Variants in NCOA1 observed in about 807,000 individuals in gnomAD.
The protein encoded by NCOA1 is nuclear receptor coactivator 1.
A neutral mutation model predicts 150.9 loss-of-function variants in NCOA1; 35 were observed. The observed-to-expected ratio is 0.23, with a 90% CI of 0.18 to 0.31. The LOEUF is 0.31. Ranked by LOEUF, NCOA1 falls within the 10% of genes least tolerant of loss-of-function variation. The probability of loss-of-function intolerance (pLI) is 1.00; values close to 1 mark genes in which losing one functional copy is unlikely to be tolerated. For synonymous variants in NCOA1, 590 were observed against 630.0 expected (o/e 0.94, Z 0.95); for missense variants, 1,491 against 1,749.3 (o/e 0.85, Z 2.63).
chr2:24,601,612 C>CTTTTTTTTTTTTTTTTTT (rs112063269), intron 3 of NCOA1, among the ~76,000 whole-genome samples: 1 of 131,986 alleles, frequency 7.6e-6, no homozygotes. Flanking sequence ...CTCCTTCCTC[C>CTTTTTTTTTTTTTTTTTT]TTTTTTTTTT....
At chr2:24,500,200 C>G (rs1663400914) in intron 1 of NCOA1, among the ~76,000 whole-genome samples, 1 of 152,118 alleles carries the variant, frequency 6.6e-6, no homozygotes, top group African/African-American at 2.4e-5. Flanking sequence ...CCTCCACCTC[C>G]CAGGTTCAAG....
intron 3 of NCOA1, among the ~76,000 whole-genome samples, chr2:24,604,552 C>G (rs895781523): frequency 6.6e-6 from 1 of 152,220 alleles, no homozygotes; most frequent in Non-Finnish European, 1.5e-5. Flanking sequence ...ATGGAGACAG[C>G]TTCTTTAACC....
intron 3 of NCOA1, among the ~76,000 whole-genome samples, chr2:24,589,892 T>A (rs1226828459): frequency 1.3e-5 from 2 of 152,142 alleles, no homozygotes; most frequent in Non-Finnish European, 1.5e-5. Context: ...AATCCCACAA[T>A]CCTTCATCCA....
intron 3 of NCOA1, among the ~76,000 whole-genome samples, chr2:24,598,338 A>C (rs55820687): frequency 0.028 from 4,238 of 152,324 alleles, 63 homozygotes; most frequent in African/African-American, 0.042. Flanking sequence ...GTCACAAGTT[A>C]TAAAAGAAAC....
intron 22 of NCOA1, among the ~76,000 whole-genome samples, chr2:24,765,128 G>T (rs1266752204): frequency 6.7e-6 from 1 of 149,176 alleles, no homozygotes; most frequent in Non-Finnish European, 1.5e-5. Flanking sequence ...AGCGAGCCGA[G>T]ATCACACCAC....
rs879075492 is a variant in NCOA1 at position 24,751,870 on chromosome 2, A to G, written c.3707-112A>G. On this transcript the variant is annotated intron_variant, in intron 19 of 22. Coordinates refer to ENST00000348332, the MANE Select transcript of NCOA1 (RefSeq NM_003743.5). Reference sequence around the variant, plus strand: ...ATATTGCCTGACACAAGACAAGGCAAATAAGAAAGTTATTTGTAAATATAT... The same window carrying G: ...ATATTGCCTGACACAAGACAAGGCAGATAAGAAAGTTATTTGTAAATATAT... 65 of 1,061,348 alleles carry G rather than the reference A, an allele frequency of 6.1e-5. No individual in the cohort carries two copies. In the South Asian group the frequency reaches 1.2e-3, roughly 19 times the overall value. 65.7% of individuals were successfully genotyped at this position (1,061,348 alleles called of 1,614,324 possible).
At chr2:24,529,256 C>T (rs1020482192) in intron 1 of NCOA1, among the ~76,000 whole-genome samples, 2 of 152,186 alleles carry the variant, frequency 1.3e-5, no homozygotes, top group Non-Finnish European at 1.5e-5. Context: ...TGGGACTGAG[C>T]ACTGAGGCAG....
chr2:24,719,569 TCA>T (rs1312256952), intron 14 of NCOA1, among the ~76,000 whole-genome samples: 4 of 152,206 alleles, frequency 2.6e-5, no homozygotes, highest in Non-Finnish European at 2.9e-5. Context: ...ATAAAAGACC[TCA>T]GATTTTATCT....
chr2:24,754,737 T>C (rs774917248), intron 20 of NCOA1, among the ~76,000 whole-genome samples: 3 of 152,226 alleles, frequency 2.0e-5, no homozygotes, highest in Non-Finnish European at 2.9e-5. Flanking sequence ...CCATCTAGAA[T>C]ATGAGCATCA....
At chr2:24,752,350 C>T (rs1664295066) in intron 20 of NCOA1, among the ~76,000 whole-genome samples, 194 bp downstream of exon 20, 1 of 152,162 alleles carries the variant, frequency 6.6e-6, no homozygotes, top group Admixed American at 6.5e-5. Flanking sequence ...GAAAGCAGCA[C>T]ATAAGAACAG....
intron 16 of NCOA1, 144 bp downstream of exon 16, chr2:24,728,620 G>T: frequency 7.4e-6 from 4 of 539,356 alleles, no homozygotes; most frequent in South Asian, 4.1e-5. Flanking sequence ...AAATATATGA[G>T]TTTTTTTTTT....
intron 1 of NCOA1, among the ~76,000 whole-genome samples, chr2:24,541,899 G>A (rs1665414419): frequency 6.6e-6 from 1 of 152,170 alleles, no homozygotes; most frequent in Non-Finnish European, 1.5e-5. Flanking sequence ...TAAATTCATA[G>A]ACTCAGTGCA....
intron 1 of NCOA1, among the ~76,000 whole-genome samples, chr2:24,550,305 A>G (rs528903917): frequency 2.0e-5 from 3 of 152,266 alleles, no homozygotes; most frequent in East Asian, 3.9e-4. Context: ...ATATTAGTCT[A>G]TTTTCATGCT....
intron 1 of NCOA1, among the ~76,000 whole-genome samples, chr2:24,543,023 A>G (rs1485104596): frequency 6.6e-6 from 1 of 152,236 alleles, no homozygotes; most frequent in Non-Finnish European, 1.5e-5. Flanking sequence ...AATGACAAAC[A>G]GGGTTGTCTT....
At position 24,514,710 on chromosome 2, in the gene NCOA1, C is replaced by T. The variant is rs1478705394; in HGVS notation, c.-396+23108C>T. ...GGAGGATCGCTTAAGCTTGGGAGGT[C>T]GAGACTGCAGTGAGTGGTGATTGTG... On this transcript the variant is annotated intron_variant, in intron 1 of 22. Transcript: ENST00000348332. Among the ~76,000 whole-genome samples the T allele has an allele frequency of 2.0e-5, 3 of 151,284 alleles. No homozygotes were observed. The East Asian group carries it at 5.8e-4, about 29-fold the overall frequency.
At chr2:24,666,019 TA>T (rs201824267) in intron 6 of NCOA1, 104 bp downstream of exon 6, 126,954 of 722,634 alleles carry the variant, frequency 0.18, 10,996 homozygotes, top group Non-Finnish European at 0.19. Flanking sequence ...TTATTATTAT[TA>T]TTATTTTTTG....
intron 1 of NCOA1, among the ~76,000 whole-genome samples, chr2:24,562,920 G>C (rs1666345416): frequency 6.6e-6 from 1 of 152,160 alleles, no homozygotes; most frequent in African/African-American, 2.4e-5. Flanking sequence ...TTGAAGAAGA[G>C]GGTTATACAG....
chr2:24,496,875 A>G (rs961234814), intron 1 of NCOA1, among the ~76,000 whole-genome samples: 30 of 152,224 alleles, frequency 2.0e-4, no homozygotes, highest in African/African-American at 7.2e-4. Flanking sequence ...AGCTAGGAGG[A>G]AAGGAGCATT....
intron 3 of NCOA1, among the ~76,000 whole-genome samples, chr2:24,632,677 C>T (rs1411264479): frequency 2.6e-5 from 4 of 152,152 alleles, no homozygotes; most frequent in Non-Finnish European, 4.4e-5. Flanking sequence ...CCCACCAACT[C>T]AAGGAGAAAA....
Sources: gnomAD v4.1 joint callset for allele counts (sites outside exome capture counted in the v4.1 genomes callset) on GRCh38, gnomAD v4.1.1 for gene constraint, MANE v1.5 for transcripts, NCBI Gene and HGNC (gene_info 2026-07-23, HGNC 2026-07-21) for gene names.